HDX: variants seen among roughly 807,000 people sequenced by gnomAD.
The protein encoded by HDX is highly divergent homeobox.
A neutral mutation model predicts 45.2 loss-of-function variants in HDX; 19 were observed. That is an observed-to-expected ratio of 0.42 (90% CI 0.29 to 0.62). The LOEUF is 0.62. Ranked by LOEUF, HDX falls within the 20% of genes least tolerant of loss-of-function variation. HDX has a pLI of 0.20. For missense variants in HDX, 532 were observed against 493.9 expected (o/e 1.08, Z -0.73); for synonymous variants, 188 against 172.8 (o/e 1.09, Z -0.69).
chrX:84,370,442 C>G (rs1191428691), intron 5 of HDX, among the ~76,000 whole-genome samples: 1 of 111,531 alleles, frequency 9.0e-6, no homozygotes, highest in African/African-American at 3.3e-5. Flanking sequence ...AACCACTTAC[C>G]ATCACAAAAC....
intron 5 of HDX, among the ~76,000 whole-genome samples, chrX:84,381,829 A>G (rs747824667): frequency 2.9e-4 from 32 of 111,123 alleles, no homozygotes; most frequent in Non-Finnish European, 5.3e-4. Flanking sequence ...GAGCACAGAC[A>G]ATCAAAGCAA....
At chrX:84,484,122 GTCT>G (rs1470230609) in intron 2 of HDX, among the ~76,000 whole-genome samples, 5 of 111,840 alleles carry the variant, frequency 4.5e-5, no homozygotes, top group Non-Finnish European at 9.4e-5. Flanking sequence ...ACATTTGCCT[GTCT>G]TCTTCTGAGC....
intron 4 of HDX, among the ~76,000 whole-genome samples, 187 bp from the exon 5 acceptor site, chrX:84,440,772 T>C (rs185902282): frequency 3.9e-3 from 434 of 111,107 alleles, no homozygotes; most frequent in African/African-American, 0.014. Context: ...GTGAAAAAAA[T>C]TGAAAAGTGG....
chrX:84,489,482 T>C (rs185858274), intron 1 of HDX, among the ~76,000 whole-genome samples: 41 of 112,098 alleles, frequency 3.7e-4, no homozygotes, highest in African/African-American at 1.2e-3. Context: ...GGTTGGGGAC[T>C]CTTGGATAGA....
intron 5 of HDX, chrX:84,440,316 C>T: frequency 3.3e-6 from 1 of 303,450 alleles, no homozygotes; most frequent in Non-Finnish European, 5.7e-6. Context: ...GAAAACTGCC[C>T]ATGGATTATA....
intron 5 of HDX, among the ~76,000 whole-genome samples, chrX:84,430,052 A>G (rs1325669388): frequency 9.1e-6 from 1 of 110,176 alleles, no homozygotes; most frequent in African/African-American, 3.3e-5. Context: ...TCTTTTAGCT[A>G]TTTGATACTA....
intron 5 of HDX, among the ~76,000 whole-genome samples, chrX:84,414,261 C>T (rs1420201764): frequency 9.0e-5 from 10 of 111,117 alleles, no homozygotes; most frequent in African/African-American, 3.3e-4. Context: ...CAGTAGGCCT[C>T]ATGTAGAATA....
intron 4 of HDX, 118 bp from the exon 5 acceptor site, chrX:84,440,703 C>T (rs1044010529): frequency 6.1e-5 from 27 of 443,761 alleles, no homozygotes; most frequent in Admixed American, 8.5e-5. Context: ...GAACATATTC[C>T]CCACGTATAA....
At chrX:84,489,474 T>C (rs949775697) in intron 1 of HDX, among the ~76,000 whole-genome samples, 3 of 111,451 alleles carry the variant, frequency 2.7e-5, no homozygotes, top group Non-Finnish European at 5.7e-5. Context: ...GTTGTAGAGG[T>C]TGGGGACTCT....
At position 84,346,076 on chromosome X, in the gene HDX, A is replaced by G. The variant is rs183620752; in HGVS notation, c.1453-1619T>C. Among the ~76,000 whole-genome samples, 286 of 111,298 alleles carry G rather than the reference A, an allele frequency of 2.6e-3. 2 individuals are homozygous for G. The highest frequency in any genetic ancestry group is 9.0e-3 in the African/African-American group (276 of 30,686). ...AGTCTGTAGCTTGAATTTTTATCCTATTAGTCTTTTGCAGCACAAACTTAA... is the reference window on the plus strand; with the variant it reads ...AGTCTGTAGCTTGAATTTTTATCCTGTTAGTCTTTTGCAGCACAAACTTAA... On this transcript the variant is annotated intron_variant, in intron 6 of 10. Transcript: ENST00000373177.
chrX:84,429,763 G>A (rs1247369372), intron 5 of HDX, among the ~76,000 whole-genome samples: 1 of 109,991 alleles, frequency 9.1e-6, no homozygotes, highest in Non-Finnish European at 1.9e-5. Context: ...TTAGTGGGGA[G>A]GTATTCACTC....
chrX:84,485,294 A>T (rs980887736), intron 2 of HDX, among the ~76,000 whole-genome samples: 1 of 111,936 alleles, frequency 8.9e-6, no homozygotes, highest in African/African-American at 3.2e-5. Context: ...CTATATCCTT[A>T]TTGACTTCCT....
intron 6 of HDX, among the ~76,000 whole-genome samples, chrX:84,359,513 G>T (rs2037568093): frequency 9.0e-6 from 1 of 111,425 alleles, no homozygotes; most frequent in Non-Finnish European, 1.9e-5. Context: ...CCCTGCAAAG[G>T]ACATGATCTC....
chrX:84,401,819 A>G (rs773367073), intron 5 of HDX, among the ~76,000 whole-genome samples: 39 of 112,532 alleles, frequency 3.5e-4, no homozygotes, highest in Non-Finnish European at 6.4e-4. Flanking sequence ...ATGCCCATCA[A>G]TGATAGGTTG....
Position 84,319,744 on chromosome X carries a change from C to A in HDX, c.*2145G>T, listed in dbSNP as rs1386431588. 9.0e-6 allele frequency: 1 copy of A among 111,191 alleles called. No individual in the cohort carries two copies. The highest frequency in any genetic ancestry group is 1.9e-5 in the Non-Finnish European group (1 of 52,540). The allele number at this position is 111,191 out of a possible 1,213,427, so 9.2% of individuals were successfully genotyped here. A position where few individuals can be genotyped will look rare whatever the true frequency, so the allele number is the denominator to read the frequency against. On this transcript the variant is annotated 3_prime_UTR_variant, in exon 11 of 11. Coordinates refer to ENST00000373177, the MANE Select transcript of HDX (RefSeq NM_001177479.2). ...CAGAACCTTAAATCTATTAAAAATT[C>A]TACTTAAATATGGTTTATTAATATC...
chrX:84,440,505 T>G, intron 5 of HDX, 27 bp downstream of exon 5: 6 of 1,076,596 alleles, frequency 5.6e-6, no homozygotes, highest in Non-Finnish European at 6.4e-6. Context: ...GAAACCCATT[T>G]GCTGCTTTAA....
intron 9 of HDX, among the ~76,000 whole-genome samples, chrX:84,332,036 TGTATATAACTAGG>T (rs1231624203): frequency 9.0e-6 from 1 of 111,420 alleles, no homozygotes; most frequent in Non-Finnish European, 1.9e-5. Flanking sequence ...CACTAGTATG[TGTATATAACTAGG>T]GTACAACATT....
intron 5 of HDX, among the ~76,000 whole-genome samples, chrX:84,380,984 A>C (rs186090765): frequency 1.8e-5 from 2 of 111,612 alleles, no homozygotes; most frequent in African/African-American, 6.5e-5. Context: ...GACTACACAC[A>C]AAACATTTAG....
chrX:84,342,017 C>T (rs1409189425), intron 7 of HDX, among the ~76,000 whole-genome samples: 1 of 111,460 alleles, frequency 9.0e-6, no homozygotes, highest in African/African-American at 3.3e-5. Flanking sequence ...AGTCTTTGTC[C>T]ATTGTCCTTT....
Sources: gnomAD v4.1 joint callset for allele counts (sites outside exome capture counted in the v4.1 genomes callset) on GRCh38, gnomAD v4.1.1 for gene constraint, MANE v1.5 for transcripts, NCBI Gene and HGNC (gene_info 2026-07-23, HGNC 2026-07-21) for gene names.